Variants in RAPGEF5 observed in about 807,000 individuals in gnomAD.
RAPGEF5 encodes Rap guanine nucleotide exchange factor 5, also known as M-Ras-regulated GEF.
Under a neutral mutation model 125.2 loss-of-function variants are expected in RAPGEF5, and 65 were observed. That is an observed-to-expected ratio of 0.52 (90% CI 0.43 to 0.64). The LOEUF (loss-of-function observed/expected upper bound fraction) is 0.64. Among genes scored for constraint, RAPGEF5 ranks in the 30% least tolerant of loss-of-function variants. The pLI, the probability that RAPGEF5 is intolerant of heterozygous loss-of-function variation, is 0.00. For synonymous variants in RAPGEF5, 391 were observed against 385.9 expected, an observed-to-expected ratio of 1.01 and a Z score of -0.16; for missense variants, 958 against 1,048.1, an observed-to-expected ratio of 0.91 and a Z score of 1.19.
Position 22,267,022 on chromosome 7 carries a change from T to C in RAPGEF5, c.748-10A>G, listed in dbSNP as rs1341380887. On this transcript the variant is annotated splice_polypyrimidine_tract_variant and intron_variant, in intron 6 of 25. Coordinates refer to ENST00000665637, the MANE Select transcript of RAPGEF5 (RefSeq NM_012294.5). ...CTAGCTCTCTCTGCACCTAATAAAA[T>C]ATTAGGGGGGAAAATCAAATTAGAA... 3.1e-6 allele frequency: 5 copies of C among 1,603,162 alleles called. No individual in the cohort carries two copies. Among genetic ancestry groups the C allele is most frequent in the African/African-American group, 2.7e-5 (2 of 74,646 alleles).
intron 1 of RAPGEF5, among the ~76,000 whole-genome samples, chr7:22,322,603 T>C (rs1783738008): frequency 1.3e-5 from 2 of 152,336 alleles, no homozygotes; most frequent in Non-Finnish European, 2.9e-5. Context: ...GTCCCATACA[T>C]GTCTCTTAAT....
chr7:22,341,243 C>T (rs901864450), intron 1 of RAPGEF5, among the ~76,000 whole-genome samples: 1 of 152,162 alleles, frequency 6.6e-6, no homozygotes, highest in Admixed American at 6.5e-5. Context: ...TGCAGGGAAA[C>T]TCCCCTTTTT....
intron 11 of RAPGEF5, among the ~76,000 whole-genome samples, chr7:22,181,943 G>A (rs1368163145): frequency 6.6e-6 from 1 of 152,194 alleles, no homozygotes; most frequent in Non-Finnish European, 1.5e-5. Context: ...TCTTTTAGAT[G>A]TGGGCTTGTC....
chr7:22,243,775 C>T (rs373346855), intron 7 of RAPGEF5, among the ~76,000 whole-genome samples: 1 of 152,138 alleles, frequency 6.6e-6, no homozygotes, highest in African/African-American at 2.4e-5. Flanking sequence ...CATTTTTTTA[C>T]AGTGAAAACA....
At chr7:22,145,336 C>T (rs959424722) in intron 19 of RAPGEF5, 114 bp from the exon 20 acceptor site, 7 of 990,324 alleles carry the variant, frequency 7.1e-6, no homozygotes, top group Non-Finnish European at 1.0e-5. Flanking sequence ...TATTAATACA[C>T]TAACAGAGAA....
intron 9 of RAPGEF5, chr7:22,202,922 G>T (rs1184855761): frequency 2.7e-6 from 1 of 364,734 alleles, no homozygotes; most frequent in Middle Eastern, 3.7e-4. Context: ...GTAAATAGAG[G>T]GCAGAAAAAT....
chr7:22,264,762 T>C (rs1782241625), intron 7 of RAPGEF5, among the ~76,000 whole-genome samples: 1 of 152,310 alleles, frequency 6.6e-6, no homozygotes, highest in Non-Finnish European at 1.5e-5. Flanking sequence ...CCAGCCTCCC[T>C]ATCTGTATTT....
chr7:22,177,824 G>A (rs573851001), intron 11 of RAPGEF5, among the ~76,000 whole-genome samples: 5 of 152,138 alleles, frequency 3.3e-5, no homozygotes, highest in African/African-American at 9.7e-5. Flanking sequence ...ATGCTCTCCC[G>A]AGAGTGTGGA....
At chr7:22,325,131 C>T (rs1351782794) in intron 1 of RAPGEF5, among the ~76,000 whole-genome samples, 1 of 152,180 alleles carries the variant, frequency 6.6e-6, no homozygotes, top group Non-Finnish European at 1.5e-5. Flanking sequence ...TCCAACCAAG[C>T]CCTGAGCCTC....
At chr7:22,275,089 C>A (rs187997948) in intron 6 of RAPGEF5, among the ~76,000 whole-genome samples, 2 of 152,174 alleles carry the variant, frequency 1.3e-5, no homozygotes, top group Admixed American at 1.3e-4. Flanking sequence ...GTCTGGAATG[C>A]CTCCCCACCT....
intron 25 of RAPGEF5, 85 bp from the exon 26 acceptor site, chr7:22,122,606 G>C: frequency 1.0e-6 from 1 of 957,204 alleles, no homozygotes. Context: ...CACTAAGGCT[G>C]AGTAAATGTA....
At chr7:22,247,519 GC>G (rs1274729501) in intron 7 of RAPGEF5, among the ~76,000 whole-genome samples, 1 of 152,214 alleles carries the variant, frequency 6.6e-6, no homozygotes, top group Non-Finnish European at 1.5e-5. Flanking sequence ...ACACTCTCTT[GC>G]CTGCTGCCAT....
At chr7:22,311,489 T>C (rs1031446540) in intron 3 of RAPGEF5, among the ~76,000 whole-genome samples, 1 of 152,108 alleles carries the variant, frequency 6.6e-6, no homozygotes, top group Admixed American at 6.5e-5. Context: ...TAACCAACAA[T>C]ATGAACTGCC....
At chr7:22,334,920 A>G (rs1324527373) in intron 1 of RAPGEF5, among the ~76,000 whole-genome samples, 1 of 152,182 alleles carries the variant, frequency 6.6e-6, no homozygotes, top group Non-Finnish European at 1.5e-5. Context: ...CCGTCCAATA[A>G]TTCTGCAAGC....
At chr7:22,263,772 A>T (rs1382004552) in intron 7 of RAPGEF5, among the ~76,000 whole-genome samples, 2 of 151,822 alleles carry the variant, frequency 1.3e-5, no homozygotes, top group South Asian at 2.1e-4. Context: ...AAAAAGAAAA[A>T]AATAATTGGA....
At chr7:22,310,917 T>A (rs1280362078) in intron 3 of RAPGEF5, among the ~76,000 whole-genome samples, 1 of 152,148 alleles carries the variant, frequency 6.6e-6, no homozygotes, top group Non-Finnish European at 1.5e-5. Flanking sequence ...ATGCCTACTT[T>A]TCAGATACAT....
chr7:22,145,335 A>T (rs1783401340), intron 19 of RAPGEF5, 113 bp from the exon 20 acceptor site: 2 of 989,628 alleles, frequency 2.0e-6, no homozygotes, highest in East Asian at 2.7e-5. Context: ...TTATTAATAC[A>T]CTAACAGAGA....
chr7:22,303,286 T>C (rs531795921), intron 5 of RAPGEF5, among the ~76,000 whole-genome samples: 1 of 152,344 alleles, frequency 6.6e-6, no homozygotes, highest in South Asian at 2.1e-4. Context: ...ACTGTTCTTT[T>C]TTCCCCCAGA....
At chr7:22,193,695 T>C in intron 10 of RAPGEF5, 1 of 1,551,314 alleles carries the variant, frequency 6.4e-7, no homozygotes, top group Non-Finnish European at 8.7e-7. Flanking sequence ...ATCCCCTAAA[T>C]GCTAAAAGAT....
Sources: allele counts gnomAD v4.1 joint callset (sites outside exome capture counted in the v4.1 genomes callset), GRCh38; gene constraint gnomAD v4.1.1; transcripts MANE v1.5; gene names NCBI Gene and HGNC (gene_info 2026-07-23, HGNC 2026-07-21).